The following INPP5F variants were observed in gnomAD, a reference collection of about 807,000 sequenced individuals.
INPP5F encodes the protein phosphatidylinositide 4-phosphatase SAC2.
Under a neutral mutation model 137.2 loss-of-function variants are expected in INPP5F, and 97 were observed. That is an observed-to-expected ratio of 0.71 (90% CI 0.60 to 0.84). The LOEUF (loss-of-function observed/expected upper bound fraction) is 0.84, where lower values mean the gene tolerates loss of function less well. Ranked by LOEUF, INPP5F falls within the 40% of genes least tolerant of loss-of-function variation. INPP5F has a pLI of 0.00. For synonymous variants in INPP5F, 504 were observed against 476.9 expected (o/e 1.06, Z -0.74); for missense variants, 1,271 against 1,371.9 (o/e 0.93, Z 1.16).
At chr10:119,786,140 A>G (rs1238592613) in intron 3 of INPP5F, among the ~76,000 whole-genome samples, 1 of 152,204 alleles carries the variant, frequency 6.6e-6, no homozygotes, top group African/African-American at 2.4e-5. Flanking sequence ...CTTTTCTTAA[A>G]TGGCAGCAGC....
rs140169637 is a variant in INPP5F, at chr10:119,810,174, T to C, written c.1644T>C (p.Tyr548=). 2,470 of 1,612,530 alleles carry C rather than the reference T, an allele frequency of 1.5e-3. 2 individuals are homozygous for C. Among genetic ancestry groups the C allele is most frequent in the Non-Finnish European group, 2.0e-3 (2,347 of 1,178,724 alleles). Residue 548 remains tyrosine (Y), a synonymous_variant, in exon 14 of 20, where the codon TAT becomes TAC. Transcript: ENST00000650623. The part of the protein sequence containing the change: ...MKDGVNSANR[Y]YLNRFKDAYR... ...ATGGAGTGAACTCAGCAAACAGATA[T>C]TACCTCAACCGATTTAAGGATGCTT...
chr10:119,750,081 A>AC (rs1201680713), intron 1 of INPP5F, among the ~76,000 whole-genome samples: 2 of 152,186 alleles, frequency 1.3e-5, no homozygotes, highest in Non-Finnish European at 2.9e-5. Context: ...AAACAAGTCA[A>AC]CTTTTTTTGC....
intron 2 of INPP5F, among the ~76,000 whole-genome samples, chr10:119,772,049 C>T (rs1259450397): frequency 6.6e-6 from 1 of 150,648 alleles, no homozygotes; most frequent in African/African-American, 2.4e-5. Flanking sequence ...GGGTGCCCGC[C>T]ACCACGCCGG....
At chr10:119,795,600 A>G (rs1850345369) in intron 6 of INPP5F, among the ~76,000 whole-genome samples, 1 of 140,832 alleles carries the variant, frequency 7.1e-6, no homozygotes. Flanking sequence ...CAGACTGGGC[A>G]GCCAGGCAGA....
At chr10:119,785,286 G>GTTGTTTTTTTTTTTTTTTTTTTTTTT (rs770290302) in intron 3 of INPP5F, among the ~76,000 whole-genome samples, 7 of 106,240 alleles carry the variant, frequency 6.6e-5, no homozygotes, top group African/African-American at 2.6e-4. Flanking sequence ...CTGCCAGACT[G>GTTGTTTTTTTTTTTTTTTTTTTTTTT]TTTTTTTTTT....
At chr10:119,741,455 G>T (rs1013960187) in intron 1 of INPP5F, among the ~76,000 whole-genome samples, 14 of 152,312 alleles carry the variant, frequency 9.2e-5, no homozygotes, top group South Asian at 4.1e-4. Flanking sequence ...TTTGCCTTCA[G>T]TGGACATCTG....
chr10:119,786,299 A>G (rs1849913286), intron 3 of INPP5F, among the ~76,000 whole-genome samples: 1 of 152,226 alleles, frequency 6.6e-6, no homozygotes, highest in Non-Finnish European at 1.5e-5. Context: ...CATACCACAC[A>G]GAACTGGCTG....
intron 2 of INPP5F, among the ~76,000 whole-genome samples, chr10:119,764,581 T>G (rs1355943241): frequency 5.3e-5 from 8 of 151,710 alleles, no homozygotes; most frequent in Non-Finnish European, 1.0e-4. Context: ...CCTTATGGTT[T>G]TCTTTTTTTT....
intron 16 of INPP5F, among the ~76,000 whole-genome samples, chr10:119,821,969 A>G (rs969642573): frequency 6.8e-6 from 1 of 147,658 alleles, no homozygotes; most frequent in South Asian, 2.1e-4. Context: ...CTCGGGTTCA[A>G]GTGATTCTCC....
intron 17 of INPP5F, among the ~76,000 whole-genome samples, 155 bp from the exon 18 acceptor site, chr10:119,822,913 GTTC>G (rs568095921): frequency 5.1e-4 from 77 of 152,310 alleles, no homozygotes; most frequent in African/African-American, 1.8e-3. Flanking sequence ...AATTGAAAGA[GTTC>G]TTCTAGCCTT....
chr10:119,827,385 G>C lies in INPP5F; in HGVS notation c.3004G>C (p.Glu1002Gln), dbSNP rs759670697. The C allele has an allele frequency of 1.2e-6, 2 of 1,614,072 alleles. No individual in the cohort carries two copies. The highest frequency in any genetic ancestry group is 2.7e-5 in the African/African-American group (2 of 74,914). Residue 1002 changes from glutamate (E) to glutamine (Q), a missense_variant, in exon 20 of 20, where the codon GAA (glutamate) becomes CAA (glutamine). By Grantham distance (29) the Glu-to-Gln change is conservative. Coordinates refer to ENST00000650623, the MANE Select transcript of INPP5F (RefSeq NM_014937.4). ...TCAAGTTTCAAATGAAACCCAATCA[G>C]AATCAACAGAACAGACACCTTCTCG... ...TNQVSNETQS[E>Q]STEQTPSRPS... is the part of the protein sequence containing the mutation.
At chr10:119,804,411 G>T in intron 10 of INPP5F, 114 bp downstream of exon 10, 1 of 929,296 alleles carries the variant, frequency 1.1e-6, no homozygotes, top group Non-Finnish European at 1.5e-6. Context: ...TCTCATTGTT[G>T]GAAAGAAAAA....
chr10:119,727,436 C>G (rs550708948), intron 1 of INPP5F, among the ~76,000 whole-genome samples: 1 of 152,332 alleles, frequency 6.6e-6, no homozygotes, highest in South Asian at 2.1e-4. Flanking sequence ...CCCACAGCAA[C>G]CTTACAGGAC....
intron 2 of INPP5F, among the ~76,000 whole-genome samples, chr10:119,755,484 C>T (rs769952026): frequency 5.3e-5 from 8 of 152,178 alleles, no homozygotes; most frequent in Non-Finnish European, 1.0e-4. Flanking sequence ...GACCCTGTCT[C>T]TAAATATAAT....
intron 3 of INPP5F, among the ~76,000 whole-genome samples, chr10:119,788,902 A>G (rs551303393): frequency 2.0e-5 from 3 of 152,210 alleles, no homozygotes; most frequent in Admixed American, 6.5e-5. Context: ...TCCTGGGGGG[A>G]AATTTTTGCT....
Position 119,806,465 on chromosome 10 carries a change from G to C in INPP5F, c.1425G>C (p.Val475=). ...TGGTCCAAGCTGCCATCGCGAGAGT[G>C]GTCATGGAACAGCAGGTAATTTGGA... ...TNVVQAAIAR[V]VMEQQLKKLG... is the part of the protein sequence containing the mutation. The change falls in exon 12 of 20, where the codon GTG becomes GTC. Residue 475 remains valine (V), a synonymous_variant. Transcript: ENST00000650623. The C allele has an allele frequency of 6.2e-7, 1 of 1,605,532 alleles. No homozygotes were observed. The highest frequency in any genetic ancestry group is 8.5e-7 in the Non-Finnish European group (1 of 1,176,946).
At chr10:119,763,237 C>A (rs1362274633) in intron 2 of INPP5F, among the ~76,000 whole-genome samples, 1 of 152,188 alleles carries the variant, frequency 6.6e-6, no homozygotes, top group African/African-American at 2.4e-5. Context: ...AGGCCCACTG[C>A]GGTAGAGGTT....
chr10:119,796,865 C>G lies in INPP5F; in HGVS notation c.820C>G (p.Pro274Ala). The G allele has an allele frequency of 6.2e-7, 1 of 1,614,066 alleles. No homozygotes were observed. Among genetic ancestry groups the G allele is most frequent in the Non-Finnish European group, 8.5e-7 (1 of 1,180,026 alleles). Residue 274 changes from proline to alanine, a missense_variant, in exon 7 of 20, where the codon CCA (proline) becomes GCA (alanine). Pro to Ala is a conservative substitution (Grantham distance 27). This residue lies in a region of INPP5F where 593 missense variants were observed against 712.4 expected (regional missense o/e 0.83). Transcript: ENST00000650623. ...GTCCACCTGTGTAGATGATATTCAC[C>G]CACGATTTCTAGTGGCTCTCATTTC... ...QESTCVDDIH[P>A]RFLVALISRR... is the part of the protein sequence containing the mutation.
intron 1 of INPP5F, among the ~76,000 whole-genome samples, chr10:119,727,573 G>C (rs35398600): frequency 0.042 from 6,349 of 152,290 alleles, 237 homozygotes; most frequent in South Asian, 0.22. Context: ...AACACTTTTG[G>C]GCAGGCCCCA....
Sources: allele counts gnomAD v4.1 joint callset (sites outside exome capture counted in the v4.1 genomes callset), GRCh38; gene constraint gnomAD v4.1.1; regional missense constraint gnomAD v4.1.1; transcripts MANE v1.5; gene names NCBI Gene and HGNC (gene_info 2026-07-23, HGNC 2026-07-21).